Variants in TAOK3 observed in about 807,000 individuals in gnomAD.
TAOK3 encodes the protein serine/threonine-protein kinase TAO3.
TAOK3 carries 40 observed loss-of-function variants against 120.4 expected under a neutral mutation model. The observed-to-expected ratio is 0.33, with a 90% CI of 0.26 to 0.43. TAOK3 has a LOEUF of 0.43. Among genes scored for constraint, TAOK3 ranks in the 20% least tolerant of loss-of-function variants. TAOK3 has a pLI of 1.00. For synonymous variants in TAOK3, 355 were observed against 387.5 expected, an observed-to-expected ratio of 0.92 and a Z score of 0.99; for missense variants, 821 against 1,112.1, an observed-to-expected ratio of 0.74 and a Z score of 3.72.
At chr12:118,187,654 T>C (rs2037157107) in intron 14 of TAOK3, among the ~76,000 whole-genome samples, 1 of 152,016 alleles carries the variant, frequency 6.6e-6, no homozygotes, top group Admixed American at 6.6e-5. Context: ...TCTGGTAAAC[T>C]ACCATCAATC....
chr12:118,157,056 G>GGA, intron 19 of TAOK3, among the ~76,000 whole-genome samples: 1 of 152,022 alleles, frequency 6.6e-6, no homozygotes, highest in East Asian at 1.9e-4. Context: ...CTACTGTTTT[G>GGA]TTCAAACCAG....
At chr12:118,267,273 T>C (rs1361037533) in intron 1 of TAOK3, among the ~76,000 whole-genome samples, 2 of 151,842 alleles carry the variant, frequency 1.3e-5, no homozygotes, top group Non-Finnish European at 2.9e-5. Context: ...TGGAGTGCAG[T>C]GGCATGATCT....
At chr12:118,202,044 T>C (rs1420017221) in intron 11 of TAOK3, among the ~76,000 whole-genome samples, 4 of 151,804 alleles carry the variant, frequency 2.6e-5, no homozygotes, top group African/African-American at 9.7e-5. Flanking sequence ...TCATATGCTA[T>C]TTTTTTGTGT....
intron 1 of TAOK3, among the ~76,000 whole-genome samples, chr12:118,315,041 C>T (rs749906980): frequency 1.3e-5 from 2 of 152,066 alleles, no homozygotes; most frequent in African/African-American, 4.8e-5. Flanking sequence ...AGCAATTCTC[C>T]TGTCTCAGCC....
chr12:118,296,896 G>A (rs2042701345), intron 1 of TAOK3: 1 of 152,138 alleles, frequency 6.6e-6, no homozygotes, highest in African/African-American at 2.4e-5. Flanking sequence ...CCAACAAATA[G>A]AGCCACTGGC....
At chr12:118,174,470 G>A (rs774500604) in intron 16 of TAOK3, among the ~76,000 whole-genome samples, 11 of 151,408 alleles carry the variant, frequency 7.3e-5, no homozygotes, top group Non-Finnish European at 1.5e-4. Context: ...AAAAATTGAC[G>A]TATGCTTGAG....
intron 1 of TAOK3, among the ~76,000 whole-genome samples, chr12:118,309,579 G>A (rs566085061): frequency 1.7e-3 from 251 of 151,462 alleles, no homozygotes; most frequent in Non-Finnish European, 2.3e-3. Flanking sequence ...GCAATGGCAC[G>A]ATCTTGGCTC....
At chr12:118,352,533 T>C (rs2045219717) in intron 1 of TAOK3, among the ~76,000 whole-genome samples, 1 of 151,612 alleles carries the variant, frequency 6.6e-6, no homozygotes, top group South Asian at 2.1e-4. Flanking sequence ...TATATACACA[T>C]ATATATACAC....
At chr12:118,200,118 T>A (rs2037946206) in intron 12 of TAOK3, 1 of 71,174 alleles carries the variant, frequency 1.4e-5, no homozygotes, top group African/African-American at 5.8e-5. Context: ...GATAATACAT[T>A]ATTTTTAACA....
chr12:118,348,703 G>C (rs1169316550), intron 1 of TAOK3, among the ~76,000 whole-genome samples: 2 of 152,068 alleles, frequency 1.3e-5, no homozygotes, highest in African/African-American at 4.8e-5. Context: ...ACCCGTCTCA[G>C]CCTCCCAAAG....
chr12:118,266,558 TTTTA>T (rs2041458852), intron 2 of TAOK3, 93 bp downstream of exon 2: 1 of 392,636 alleles, frequency 2.5e-6, no homozygotes, highest in East Asian at 3.6e-5. Flanking sequence ...TTACTTTCCC[TTTTA>T]TTTTTCTTTC....
chr12:118,199,128 C>T lies in TAOK3; in HGVS notation c.1117G>A (p.Glu373Lys), dbSNP rs374066174. 6 of 1,614,046 alleles carry T rather than the reference C, an allele frequency of 3.7e-6. No homozygotes were observed. Among genetic ancestry groups the T allele is most frequent in the African/African-American group, 2.7e-5 (2 of 74,912 alleles). Residue 373 changes from glutamate (E) to lysine (K), a missense_variant, in exon 13 of 21, where the codon GAG (glutamate) becomes AAG (lysine). Physicochemically the swap from Glu to Lys is moderately conservative, Grantham distance 56. Coordinates refer to ENST00000392533, the MANE Select transcript of TAOK3 (RefSeq NM_016281.4). ...SVNSMQEVMD[E>K]SSSELVMMHD... ...ATCATGACAAGTTCGGAACTGCTCT[C>T]GTCCATGACTTCCTGCATGCTGTTC... is the stretch of plus-strand genomic sequence containing the variant.
At chr12:118,343,591 A>G (rs1207304319) in intron 1 of TAOK3, among the ~76,000 whole-genome samples, 1 of 152,228 alleles carries the variant, frequency 6.6e-6, no homozygotes, top group African/African-American at 2.4e-5. Flanking sequence ...AAACTGCAGA[A>G]TAAAGTATCA....
intron 7 of TAOK3, among the ~76,000 whole-genome samples, chr12:118,237,367 A>C (rs2040059179): frequency 6.6e-6 from 1 of 152,190 alleles, no homozygotes. Flanking sequence ...AACTGTACTA[A>C]AAGTTCATTA....
intron 19 of TAOK3, among the ~76,000 whole-genome samples, chr12:118,157,279 G>C (rs149977139): frequency 7.9e-5 from 12 of 152,184 alleles, no homozygotes; most frequent in Admixed American, 3.3e-4. Flanking sequence ...CATTCTCCAT[G>C]TCACCAGAGT....
intron 1 of TAOK3, among the ~76,000 whole-genome samples, chr12:118,347,508 C>T (rs946249082): frequency 6.6e-6 from 1 of 152,158 alleles, no homozygotes; most frequent in African/African-American, 2.4e-5. Flanking sequence ...TCACTAGCTC[C>T]AGCCTCCTCA....
chr12:118,304,422 C>G (rs1450322059), intron 1 of TAOK3, among the ~76,000 whole-genome samples: 1 of 152,146 alleles, frequency 6.6e-6, no homozygotes, highest in Non-Finnish European at 1.5e-5. Context: ...CAAAAAGAAG[C>G]CTTCACCAAT....
chr12:118,311,482 A>G (rs1247496864), intron 1 of TAOK3, among the ~76,000 whole-genome samples: 1 of 152,178 alleles, frequency 6.6e-6, no homozygotes, highest in Non-Finnish European at 1.5e-5. Flanking sequence ...AAAAAAAGAA[A>G]GAGCTCACAA....
At chr12:118,289,956 T>C (rs1364069032) in intron 1 of TAOK3, among the ~76,000 whole-genome samples, 1 of 150,546 alleles carries the variant, frequency 6.6e-6, no homozygotes, top group East Asian at 1.9e-4. Context: ...ATCACACCAT[T>C]GCACTCCAGC....
Sources: allele counts gnomAD v4.1 joint callset (sites outside exome capture counted in the v4.1 genomes callset), GRCh38; gene constraint gnomAD v4.1.1; transcripts MANE v1.5; gene names NCBI Gene and HGNC (gene_info 2026-07-23, HGNC 2026-07-21).